MAST4: variants seen among roughly 807,000 people sequenced by gnomAD.
MAST4 encodes the protein microtubule-associated serine/threonine-protein kinase 4.
A neutral mutation model predicts 162.7 loss-of-function variants in MAST4; 89 were observed. The observed-to-expected ratio is 0.55, with a 90% CI of 0.46 to 0.65. MAST4 has a LOEUF of 0.65. MAST4 is among the 30% of genes least tolerant of loss of function. The pLI, the probability that MAST4 is intolerant of heterozygous loss-of-function variation, is 0.00. For missense variants in MAST4, 3,153 were observed against 3,374.0 expected (o/e 0.93, Z 1.62); for synonymous variants, 1,479 against 1,361.1 (o/e 1.09, Z -1.91).
intron 1 of MAST4, among the ~76,000 whole-genome samples, chr5:66,710,443 A>G (rs1213760737): frequency 1.3e-5 from 2 of 152,106 alleles, no homozygotes; most frequent in Non-Finnish European, 2.9e-5. Context: ...TTTCTCACTG[A>G]TCATTTTCCT....
In MAST4 at chr5:66,949,257, A is replaced by G. The variant is rs1361962217; in HGVS notation, c.674+49275A>G. ...ACTTATTAACTGTTGATGTTGGGCA[A>G]TGATATGGTTTTGTCCTGTGTCCCC... is the stretch of plus-strand genomic sequence containing the variant. On this transcript the variant is annotated intron_variant, in intron 4 of 28. Transcript: ENST00000403625. Among the ~76,000 whole-genome samples, 17 of 152,210 alleles carry G rather than the reference A, an allele frequency of 1.1e-4. No individual in the cohort carries two copies. The East Asian group carries it at 3.1e-3, about 28-fold the overall frequency.
chr5:67,020,937 A>G (rs1339028279), intron 4 of MAST4, among the ~76,000 whole-genome samples: 1 of 152,194 alleles, frequency 6.6e-6, no homozygotes, highest in Non-Finnish European at 1.5e-5. Context: ...TTGTGCTACA[A>G]TGACAGAGTC....
intron 3 of MAST4, among the ~76,000 whole-genome samples, chr5:66,845,449 CT>C (rs747374526): frequency 6.6e-6 from 1 of 152,000 alleles, no homozygotes; most frequent in African/African-American, 2.4e-5. Context: ...TGAACTCATC[CT>C]TTTTTATGGC....
chr5:66,916,918 A>C, intron 4 of MAST4: 1 of 705,924 alleles, frequency 1.4e-6, no homozygotes, highest in Non-Finnish European at 2.6e-6. Flanking sequence ...CCCACAACAA[A>C]CAGTGCTGCA....
In MAST4 at chr5:67,054,142, C is replaced by G. The variant is rs1295204474; in HGVS notation, c.675-262C>G. Among the ~76,000 whole-genome samples the G allele has an allele frequency of 3.3e-5, 5 of 152,268 alleles. No homozygotes were observed. The East Asian group carries it at 9.6e-4, about 29-fold the overall frequency. ...GTATGGCATGTTACATATTTGCACT[C>G]AAGCGCTGGAAGAAGGCATTTGATT... is the stretch of plus-strand genomic sequence containing the variant. On this transcript the variant is annotated intron_variant, in intron 4 of 28. Coordinates refer to ENST00000403625, the MANE Select transcript of MAST4 (RefSeq NM_001164664.2).
intron 4 of MAST4, among the ~76,000 whole-genome samples, chr5:67,040,640 C>A (rs1398126087): frequency 1.3e-5 from 2 of 152,162 alleles, no homozygotes; most frequent in Admixed American, 1.3e-4. Context: ...TGTACCTGAC[C>A]CTCATGCTAC....
chr5:66,712,771 G>T (rs901485954), intron 1 of MAST4, among the ~76,000 whole-genome samples: 2 of 152,138 alleles, frequency 1.3e-5, no homozygotes, highest in African/African-American at 2.4e-5. Flanking sequence ...AAACCCACTA[G>T]TATGTCTTTG....
At chr5:66,954,758 G>C (rs1459323412) in intron 4 of MAST4, among the ~76,000 whole-genome samples, 1 of 151,956 alleles carries the variant, frequency 6.6e-6, no homozygotes, top group African/African-American at 2.4e-5. Context: ...AAAATTAGCT[G>C]CGTGTGATGA....
At chr5:66,881,842 C>T (rs760036632) in intron 3 of MAST4, among the ~76,000 whole-genome samples, 3 of 152,266 alleles carry the variant, frequency 2.0e-5, no homozygotes, top group African/African-American at 2.4e-5. Flanking sequence ...TCCCCTTACC[C>T]GTCAGGCAAA....
At chr5:66,828,262 C>A (rs1757370433) in intron 3 of MAST4, among the ~76,000 whole-genome samples, 1 of 152,104 alleles carries the variant, frequency 6.6e-6, no homozygotes, top group Admixed American at 6.6e-5. Flanking sequence ...GCCCTGAGCC[C>A]TCCGTTTTCA....
intron 2 of MAST4, among the ~76,000 whole-genome samples, chr5:66,788,005 A>G (rs1755194124): frequency 1.3e-5 from 2 of 152,328 alleles, no homozygotes; most frequent in South Asian, 4.1e-4. Context: ...ATGTAGTGTG[A>G]ATTGGTTCAG....
At chr5:67,098,822 A>G (rs986222086) in intron 7 of MAST4, among the ~76,000 whole-genome samples, 16 of 152,194 alleles carry the variant, frequency 1.1e-4, no homozygotes, top group Non-Finnish European at 5.9e-5. Context: ...TTAGAAAGGC[A>G]ACATCCCTGT....
At chr5:66,690,320 T>C (rs889931138) in intron 1 of MAST4, among the ~76,000 whole-genome samples, 1 of 152,174 alleles carries the variant, frequency 6.6e-6, no homozygotes, top group African/African-American at 2.4e-5. Flanking sequence ...TAGTAAGTAT[T>C]GTAGGATTCT....
intron 4 of MAST4, among the ~76,000 whole-genome samples, chr5:67,028,650 G>C (rs1314779121): frequency 6.6e-6 from 1 of 152,158 alleles, no homozygotes; most frequent in African/African-American, 2.4e-5. Flanking sequence ...TCATAGTTCT[G>C]CTTTAGCCTG....
chr5:66,881,355 G>A (rs1159455008), intron 3 of MAST4, among the ~76,000 whole-genome samples: 1 of 152,120 alleles, frequency 6.6e-6, no homozygotes, highest in Non-Finnish European at 1.5e-5. Flanking sequence ...TGGCTATTAA[G>A]ATTTCAGCTG....
Position 67,112,167 on chromosome 5 carries a change from A to G in MAST4, c.1459-1920A>G, listed in dbSNP as rs180972574. On this transcript the variant is annotated intron_variant, in intron 11 of 28. Coordinates refer to ENST00000403625, the MANE Select transcript of MAST4 (RefSeq NM_001164664.2). ...CCAAAATGGGAAATATCCAGGAAATATATCTGAAATTAATAACTGGGCTTT... is the reference window on the plus strand; with the variant it reads ...CCAAAATGGGAAATATCCAGGAAATGTATCTGAAATTAATAACTGGGCTTT... Among the ~76,000 whole-genome samples the G allele has an allele frequency of 3.3e-5, 5 of 152,262 alleles. No homozygotes were observed. In the East Asian group the frequency reaches 9.7e-4, roughly 29 times the overall value.
At chr5:66,789,907 T>C (rs1245461557) in intron 3 of MAST4, among the ~76,000 whole-genome samples, 3 of 152,012 alleles carry the variant, frequency 2.0e-5, no homozygotes, top group Non-Finnish European at 2.9e-5. Context: ...CATAAATATG[T>C]GTGTATTTGT....
At chr5:67,069,717 A>G (rs865945603) in intron 5 of MAST4, among the ~76,000 whole-genome samples, 8 of 152,146 alleles carry the variant, frequency 5.3e-5, no homozygotes, top group Middle Eastern at 3.2e-3. Flanking sequence ...TATCTGGAGA[A>G]GCAACACATC....
chr5:66,659,252 C>T (rs1746748450), intron 1 of MAST4, among the ~76,000 whole-genome samples: 1 of 152,202 alleles, frequency 6.6e-6, no homozygotes, highest in Non-Finnish European at 1.5e-5. Flanking sequence ...GGAGTGAGAA[C>T]TTCCTTGATG....
Sources: allele counts gnomAD v4.1 joint callset (sites outside exome capture counted in the v4.1 genomes callset), GRCh38; gene constraint gnomAD v4.1.1; transcripts MANE v1.5; gene names NCBI Gene and HGNC (gene_info 2026-07-23, HGNC 2026-07-21).